The following BDH1 variants were observed in gnomAD, a reference collection of about 807,000 sequenced individuals.
BDH1 encodes the protein D-beta-hydroxybutyrate dehydrogenase, mitochondrial.
In BDH1, 30 loss-of-function variants were observed where a neutral mutation model predicts 33.1. That is an observed-to-expected ratio of 0.91 (90% CI 0.68 to 1.23). The LOEUF is 1.23. BDH1 is among the 50% of genes most tolerant of loss of function. BDH1 has a pLI of 0.00. For missense variants in BDH1, 443 were observed against 464.4 expected (o/e 0.95, Z 0.42); for synonymous variants, 190 against 183.6 (o/e 1.03, Z -0.28).
At chr3:197,531,418 A>AAAAT (rs1491403816) in intron 5 of BDH1, among the ~76,000 whole-genome samples, 15 of 137,254 alleles carry the variant, frequency 1.1e-4, no homozygotes, top group African/African-American at 4.2e-4. Flanking sequence ...TTAAAAAAAA[A>AAAAT]ATATATATAT....
chr3:197,559,513 C>T (rs1351313610), upstream of BDH1, among the ~76,000 whole-genome samples: 3 of 152,220 alleles, frequency 2.0e-5, no homozygotes, highest in Non-Finnish European at 4.4e-5. Context: ...TTTAACCATA[C>T]AAAACAGATT....
rs537745951 is a variant in BDH1, at chr3:197,520,641, C to T, written c.409+1999G>A. Among the ~76,000 whole-genome samples, 1 of 152,272 alleles carries T rather than the reference C, an allele frequency of 6.6e-6. No individual in the cohort carries two copies. Among genetic ancestry groups the T allele is most frequent in the Admixed American group, 6.5e-5 (1 of 15,296 alleles). On this transcript the variant is annotated intron_variant, in intron 6 of 7. Coordinates refer to ENST00000392379, the MANE Select transcript of BDH1 (RefSeq NM_203314.3). This position sits in a 1 kb window ranked among gnomAD's most constrained non-coding sequence, Gnocchi z 6.0. ...GCCTTTCCACGGGCATTTTAGATCA[C>T]CACAAAACCCACGCTATAATCAAGT... is the stretch of plus-strand genomic sequence containing the variant.
chr3:197,541,299 G>A (rs1026542220), intron 3 of BDH1, among the ~76,000 whole-genome samples: 2 of 152,230 alleles, frequency 1.3e-5, no homozygotes, highest in Admixed American at 1.3e-4. Context: ...GGGGATTCCA[G>A]TGCAACAGGT....
In BDH1 at chr3:197,546,360, C is replaced by A. The variant is rs750965606; in HGVS notation, c.83+1G>T. On this transcript the variant is annotated splice_donor_variant, in intron 3 of 7. Transcript: ENST00000392379. LOFTEE classifies it high-confidence loss of function. ...GGCCACCACCACCTCTGGTTGCTTACCTTGCTCCATTTTCTCTATCACAGG... is the reference window on the plus strand; with the variant it reads ...GGCCACCACCACCTCTGGTTGCTTAACTTGCTCCATTTTCTCTATCACAGG... The A allele has an allele frequency of 2.5e-6, 4 of 1,613,990 alleles. No homozygotes were observed. In the African/African-American group the frequency reaches 5.3e-5, roughly 22 times the overall value.
chr3:197,534,919 C>G (rs1354088409), intron 3 of BDH1, among the ~76,000 whole-genome samples: 1 of 152,168 alleles, frequency 6.6e-6, no homozygotes, highest in East Asian at 1.9e-4. Flanking sequence ...GGTGGCTTAC[C>G]AACAACAGAC....
At chr3:197,536,989 C>T (rs1715216106) in intron 3 of BDH1, among the ~76,000 whole-genome samples, 1 of 151,948 alleles carries the variant, frequency 6.6e-6, no homozygotes, top group African/African-American at 2.4e-5. Flanking sequence ...TATTTTATTT[C>T]ATTTTATTTT....
Position 197,523,908 on chromosome 3 carries a change from G to C in BDH1, c.268-1127C>G, listed in dbSNP as rs138593969. 6.6e-6 allele frequency among the ~76,000 whole-genome samples: 1 copy of C among 152,170 alleles called. No homozygotes were observed. The highest frequency in any genetic ancestry group is 2.4e-5 in the African/African-American group (1 of 41,444). ...AGTGCAGACGCATAAGGAGGTGGTG[G>C]ATGCAGGGCTGGAGAGGAGGGCAGG... On this transcript the variant is annotated intron_variant, in intron 5 of 7. Coordinates refer to ENST00000392379, the MANE Select transcript of BDH1 (RefSeq NM_203314.3). The surrounding 1 kb of genome is among the most constrained non-coding windows in gnomAD (Gnocchi z 4.5).
In BDH1 at chr3:197,516,547, C is replaced by G. The variant is rs1712745710; in HGVS notation, c.410-2131G>C. ...TGACAGCAACTTTCCTGTAACATCC[C>G]CAAGATCGCCTCCGCACCAGTGGCC... On this transcript the variant is annotated intron_variant, in intron 6 of 7. Coordinates refer to ENST00000392379, the MANE Select transcript of BDH1 (RefSeq NM_203314.3). The surrounding 1 kb of genome is among the most constrained non-coding windows in gnomAD (Gnocchi z 4.2). Among the ~76,000 whole-genome samples the G allele has an allele frequency of 6.6e-6, 1 of 152,040 alleles. No homozygotes were observed. The highest frequency in any genetic ancestry group is 1.9e-4 in the East Asian group (1 of 5,188).
At chr3:197,536,860 A>C (rs1055685736) in intron 3 of BDH1, among the ~76,000 whole-genome samples, 13 of 152,206 alleles carry the variant, frequency 8.5e-5, no homozygotes, top group Non-Finnish European at 1.9e-4. Flanking sequence ...ACCCAACCAA[A>C]CAAACAAAAA....
chr3:197,535,625 A>G (rs1245591446), intron 3 of BDH1, among the ~76,000 whole-genome samples: 1 of 152,218 alleles, frequency 6.6e-6, no homozygotes, highest in East Asian at 1.9e-4. Context: ...GAGAGTCCAG[A>G]GTCTAAACTC....
intron 1 of BDH1, among the ~76,000 whole-genome samples, chr3:197,565,441 A>G (rs577305708): frequency 1.3e-5 from 2 of 152,276 alleles, no homozygotes; most frequent in East Asian, 3.9e-4. Flanking sequence ...GCTTGAATTA[A>G]TCCTTTAAGA....
At chr3:197,570,764 G>A (rs1717580385) in intron 1 of BDH1, among the ~76,000 whole-genome samples, 1 of 152,238 alleles carries the variant, frequency 6.6e-6, no homozygotes, top group Non-Finnish European at 1.5e-5. Context: ...GCAGGGCTGG[G>A]ACCCTCACAG....
At chr3:197,560,552 G>T (rs1717224303), upstream of BDH1, among the ~76,000 whole-genome samples, 1 of 152,210 alleles carries the variant, frequency 6.6e-6, no homozygotes, top group Non-Finnish European at 1.5e-5. Flanking sequence ...GGTTATAAAT[G>T]ACCCCGTCTG....
At chr3:197,567,990 TC>T (rs1717489302) in intron 1 of BDH1, among the ~76,000 whole-genome samples, 1 of 152,166 alleles carries the variant, frequency 6.6e-6, no homozygotes, top group East Asian at 1.9e-4. Flanking sequence ...GCTCACACTC[TC>T]CTCCAATACC....
rs1186372042 is a variant in BDH1 at position 197,522,728 on chromosome 3, C to A, written c.321G>T (p.Leu107Phe). 1 of 1,614,178 alleles carries A rather than the reference C, an allele frequency of 6.2e-7. No homozygotes were observed. The highest frequency in any genetic ancestry group is 1.3e-5 in the African/African-American group (1 of 75,042). ...KELDSLNSDR[L>F]RTVQLNVCSS... ...TGCAGACATTGAGCTGGACGGTTCT[C>A]AATCGGTCACTGTTTAGGCTGTCCA... The change falls in exon 6 of 8, where the codon TTG (leucine) becomes TTT (phenylalanine). Residue 107 changes from leucine (L) to phenylalanine (F), a missense_variant. Physicochemically the swap from Leu to Phe is conservative, Grantham distance 22. Coordinates refer to ENST00000392379, the MANE Select transcript of BDH1 (RefSeq NM_203314.3). This position sits in a 1 kb window ranked among gnomAD's most constrained non-coding sequence, Gnocchi z 4.8.
At chr3:197,534,886 C>A (rs116341101) in intron 3 of BDH1, among the ~76,000 whole-genome samples, 2,526 of 152,274 alleles carry the variant, frequency 0.017, 66 homozygotes, top group African/African-American at 0.058. Context: ...GTTTGGGCTG[C>A]TATAACAAAA....
At chr3:197,515,702 CT>C (rs1560304671) in intron 6 of BDH1, 1 of 977,044 alleles carries the variant, frequency 1.0e-6, no homozygotes, top group African/African-American at 1.9e-5. Context: ...GTGCTACCTG[CT>C]CTCCCTCCCT....
chr3:197,554,395 A>T lies in BDH1; in HGVS notation c.-44+167T>A, dbSNP rs1716822584. On this transcript the variant is annotated intron_variant, in intron 2 of 7. Transcript: ENST00000392379. This position sits in a 1 kb window ranked among gnomAD's most constrained non-coding sequence, Gnocchi z 4.4. ...AATCACTCTCTTCTTGCTCCTCCGA[A>T]TATTTATTGTGTGACGCCTGACAGG... 2 of 152,166 alleles carry T rather than the reference A, an allele frequency of 1.3e-5. No homozygotes were observed. The highest frequency in any genetic ancestry group is 4.8e-5 in the African/African-American group (2 of 41,416). 9.4% of individuals were successfully genotyped at this position (152,166 alleles called of 1,614,324 possible).
At chr3:197,527,637 C>T (rs76248861) in intron 5 of BDH1, among the ~76,000 whole-genome samples, 5 of 152,312 alleles carry the variant, frequency 3.3e-5, no homozygotes, top group Non-Finnish European at 5.9e-5. Flanking sequence ...CTACTCCCCC[C>T]TCATTCTGCT....
Sources: gnomAD v4.1 joint callset for allele counts (sites outside exome capture counted in the v4.1 genomes callset) on GRCh38, gnomAD v4.1.1 for gene constraint, Gnocchi (gnomAD v3.1) non-coding constraint, MANE v1.5 for transcripts, NCBI Gene and HGNC (gene_info 2026-07-23, HGNC 2026-07-21) for gene names.